Variants in TSPAN10 observed in about 807,000 individuals in gnomAD.
TSPAN10 encodes tetraspanin 10.
TSPAN10 carries 11 observed loss-of-function variants against 15.0 expected under a neutral mutation model. That is an observed-to-expected ratio of 0.73 (90% CI 0.46 to 1.21). The LOEUF (loss-of-function observed/expected upper bound fraction) is 1.21. Among genes scored for constraint, TSPAN10 ranks in the 50% most tolerant of loss-of-function variants. The probability of loss-of-function intolerance (pLI) is 0.00; values close to 1 mark genes in which losing one functional copy is unlikely to be tolerated. For synonymous variants in TSPAN10, 241 were observed against 226.2 expected (o/e 1.07, Z -0.59); for missense variants, 486 against 470.6 (o/e 1.03, Z -0.30).
At chr17:81,641,731 C>G (rs2036179618), upstream of TSPAN10, among the ~76,000 whole-genome samples, 1 of 143,772 alleles carries the variant, frequency 7.0e-6, no homozygotes, top group Admixed American at 7.2e-5. Flanking sequence ...GCCTGGGCAG[C>G]ACAGCAGAAC....
chr17:81,642,405 C>T (rs529223827), upstream of TSPAN10: 13 of 1,613,484 alleles, frequency 8.1e-6, no homozygotes, highest in East Asian at 1.1e-4. Context: ...TCTGTTCCAG[C>T]GTCAAGGATG....
chr17:81,645,499 C>T, exon 2 of TSPAN10: 1 of 1,584,598 alleles, frequency 6.3e-7, no homozygotes, highest in African/African-American at 1.3e-5. Flanking sequence ...GCAAGACAGC[C>T]TGGAGCACAC....
At chr17:81,648,630 C>T (rs2144390064), downstream of TSPAN10, 1 of 222,492 alleles carries the variant, frequency 4.5e-6, no homozygotes, top group East Asian at 9.3e-5. Flanking sequence ...GCCGCCACCC[C>T]TTCTGGGCTC....
At chr17:81,645,456 G>A (rs538431953) in exon 2 of TSPAN10, 46 of 1,588,886 alleles carry the variant, frequency 2.9e-5, no homozygotes, top group South Asian at 3.4e-5. Context: ...AGGCCGTGGC[G>A]GGGGCCCTGG....
At chr17:81,642,546 C>G in intron 1 of TSPAN10, 98 bp downstream of exon 2, 1 of 1,246,986 alleles carries the variant, frequency 8.0e-7, no homozygotes, top group Admixed American at 2.1e-5. Flanking sequence ...CCACCCCTGC[C>G]CCTGGTGCCA....
chr17:81,645,566 A>T, exon 2 of TSPAN10: 2 of 1,612,138 alleles, frequency 1.2e-6, no homozygotes, highest in South Asian at 2.2e-5. Flanking sequence ...TTCCTCCTCG[A>T]CCAAGTCCAG....
At position 81,645,141 on chromosome 17, in the gene TSPAN10, G is replaced by T. The variant is rs755465179; in HGVS notation, c.186G>T (p.Lys62Asn). ...ACCAGGCCTTGAGTGGCACCCCCAA[G>T]AAAGGACCAGCCCCTTCCCTCTCCC... Residue 62 changes from lysine to asparagine, a missense_variant, in exon 2 of 3, where the codon AAG (lysine) becomes AAT (asparagine). By Grantham distance (94) the Lys-to-Asn change is moderately conservative (BLOSUM62 0). Coordinates refer to ENST00000611590, the Ensembl canonical transcript of TSPAN10. 10 of 1,573,584 alleles carry T rather than the reference G, an allele frequency of 6.4e-6. No individual in the cohort carries two copies. In the East Asian group the frequency reaches 2.0e-4, roughly 32 times the overall value.
At chr17:81,648,578 C>A, downstream of TSPAN10, 1 of 269,820 alleles carries the variant, frequency 3.7e-6, no homozygotes, top group Non-Finnish European at 6.9e-6. Flanking sequence ...ACTCCCACCC[C>A]AGCCGCACAG....
At chr17:81,646,864 T>C (rs2036261920) in intron 2 of TSPAN10, among the ~76,000 whole-genome samples, 1 of 150,964 alleles carries the variant, frequency 6.6e-6, no homozygotes, top group Admixed American at 6.6e-5. Context: ...TTTGTTTTTT[T>C]GAGACGGAGT....
chr17:81,645,086 G>A (rs769734444), exon 2 of TSPAN10: 5 of 1,592,284 alleles, frequency 3.1e-6, no homozygotes, highest in East Asian at 2.2e-5. Flanking sequence ...GAGGCCTGGG[G>A]CTGCAGCTGC....
downstream of TSPAN10, chr17:81,648,521 G>A: frequency 2.9e-6 from 1 of 350,258 alleles, no homozygotes; most frequent in Non-Finnish European, 4.8e-6. Flanking sequence ...GGAGGAGCAC[G>A]CGGGGCCGGA....
chr17:81,640,240 G>A (rs2036166637), upstream of TSPAN10, among the ~76,000 whole-genome samples: 1 of 152,034 alleles, frequency 6.6e-6, no homozygotes, highest in Non-Finnish European at 1.5e-5. Flanking sequence ...ACCCACCTCA[G>A]CCTCCCAAAG....
chr17:81,637,437 GATCACACCTTCATGTTTTTTTTTTTA>G, upstream of TSPAN10: 1 of 676,912 alleles, frequency 1.5e-6, no homozygotes, highest in South Asian at 1.6e-5. Flanking sequence ...AGGAAGGCAG[GATCACACCTTCATGTTTTTTTTTTTA>G]AGTATTTTTT....
chr17:81,637,500 G>C, upstream of TSPAN10: 1 of 658,302 alleles, frequency 1.5e-6, no homozygotes. Flanking sequence ...AAACAAACGA[G>C]TTTAAACTGC....
intron 1 of TSPAN10, 52 bp downstream of exon 2, chr17:81,642,500 G>GA: frequency 6.4e-7 from 1 of 1,562,420 alleles, no homozygotes; most frequent in Non-Finnish European, 8.7e-7. Context: ...CCCCAGCCCT[G>GA]AAGTCCTAAG....
upstream of TSPAN10, chr17:81,638,928 T>C (rs1463190967): frequency 6.6e-6 from 1 of 152,200 alleles, no homozygotes; most frequent in African/African-American, 2.4e-5. Context: ...ATGGCTAATT[T>C]GTTAGTCCTG....
chr17:81,641,921 C>G (rs1352760241), upstream of TSPAN10, among the ~76,000 whole-genome samples: 1 of 151,998 alleles, frequency 6.6e-6, no homozygotes, highest in Non-Finnish European at 1.5e-5. Flanking sequence ...GACGCTGTTT[C>G]ATTCGTGCAG....
downstream of TSPAN10, chr17:81,648,420 C>A: frequency 1.1e-6 from 1 of 913,048 alleles, no homozygotes; most frequent in Non-Finnish European, 1.4e-6. Flanking sequence ...GACTTCGCCG[C>A]AGGACCTACC....
intron 2 of TSPAN10, 82 bp downstream of exon 3, chr17:81,645,711 TCA>T: frequency 6.5e-7 from 1 of 1,531,314 alleles, no homozygotes; most frequent in South Asian, 1.2e-5. Context: ...ACACAGTCAC[TCA>T]CACGTACATA....
Sources: allele counts gnomAD v4.1 joint callset (sites outside exome capture counted in the v4.1 genomes callset), GRCh38; gene constraint gnomAD v4.1.1; transcripts MANE v1.5; gene names NCBI Gene and HGNC (gene_info 2026-07-23, HGNC 2026-07-21).